GFOD2: variants seen among roughly 807,000 people sequenced by gnomAD.
The protein encoded by GFOD2 is glucose-fructose oxidoreductase domain-containing protein 2.
A neutral mutation model predicts 24.6 loss-of-function variants in GFOD2; 9 were observed. The ratio of observed to expected loss-of-function variants is 0.37; its 90% CI spans 0.22 to 0.64. GFOD2 has a LOEUF of 0.64. Ranked by LOEUF, GFOD2 falls within the 30% of genes least tolerant of loss-of-function variation. GFOD2 has a pLI of 0.65. For missense variants in GFOD2, 476 were observed against 532.5 expected (o/e 0.89, Z 1.04); for synonymous variants, 211 against 224.8 (o/e 0.94, Z 0.55).
chr16:67,684,043 T>C (rs1218270992), intron 2 of GFOD2: 6 of 287,112 alleles, frequency 2.1e-5, no homozygotes, highest in Non-Finnish European at 3.1e-5. Flanking sequence ...CAAAATGACA[T>C]CAGGACAGTG....
At chr16:67,709,789 G>A (rs1317415397) in intron 1 of GFOD2, among the ~76,000 whole-genome samples, 1 of 151,850 alleles carries the variant, frequency 6.6e-6, no homozygotes, top group Non-Finnish European at 1.5e-5. Flanking sequence ...TATTTTTTTT[G>A]TATTTTTGGT....
At chr16:67,681,890 C>T in intron 2 of GFOD2, 2 of 985,318 alleles carry the variant, frequency 2.0e-6, no homozygotes, top group South Asian at 4.7e-5. Flanking sequence ...ATTGGAGAAG[C>T]TGAAATCTGC....
chr16:67,682,045 C>CT (rs903643089), intron 2 of GFOD2: 1,099 of 254,136 alleles, frequency 4.3e-3, no homozygotes, highest in Non-Finnish European at 6.1e-3. Flanking sequence ...CTTTTCTTTT[C>CT]TTTTTTTTTT....
At chr16:67,715,443 G>A (rs1290964542) in intron 1 of GFOD2, among the ~76,000 whole-genome samples, 5 of 152,192 alleles carry the variant, frequency 3.3e-5, no homozygotes, top group Non-Finnish European at 7.3e-5. Context: ...ACTTCAGTGA[G>A]CTCATTCCCA....
Position 67,685,855 on chromosome 16 carries a change from G to T in GFOD2, c.-87-53C>A, listed in dbSNP as rs779464589. Reference sequence around the variant, plus strand: ...TTACTGGAGAGGACACTCAGCTGAGGCTACTTTCTTTTTTTTTTGAGATGG... The same window carrying T: ...TTACTGGAGAGGACACTCAGCTGAGTCTACTTTCTTTTTTTTTTGAGATGG... On this transcript the variant is annotated intron_variant, in intron 1 of 2. Coordinates refer to ENST00000268797, the MANE Select transcript of GFOD2 (RefSeq NM_030819.4). 4.6e-6 allele frequency: 5 copies of T among 1,084,400 alleles called. No homozygotes were observed. In the South Asian group the frequency reaches 8.2e-5, roughly 18 times the overall value. 67.2% of individuals were successfully genotyped at this position (1,084,400 alleles called of 1,614,324 possible).
chr16:67,711,283 C>T (rs762700809), intron 1 of GFOD2, among the ~76,000 whole-genome samples: 38 of 152,324 alleles, frequency 2.5e-4, no homozygotes, highest in Middle Eastern at 6.8e-3. Flanking sequence ...TCACCTTCAT[C>T]CCACTTTGAC....
At chr16:67,699,712 G>A (rs939867639) in intron 1 of GFOD2, among the ~76,000 whole-genome samples, 1 of 151,884 alleles carries the variant, frequency 6.6e-6, no homozygotes, top group African/African-American at 2.4e-5. Context: ...TCAAACTCCT[G>A]GCCTCAAGCG....
Position 67,675,244 on chromosome 16 carries a change from A to G in GFOD2, c.1069T>C (p.Ser357Pro), listed in dbSNP as rs781291314. The stretch of plus-strand genomic sequence containing the variant: ...ACCTCCACAGCCTCCCACTCCCCGG[A>G]TCGGCTCGACCTCTTGATGGCATCC... ...VVDAIKRSSR[S>P]GEWEAVEVLT... is the part of the protein sequence containing the mutation. Residue 357 changes from serine to proline, a missense_variant, in exon 3 of 3, where the codon TCC (serine) becomes CCC (proline). Ser to Pro is a moderately conservative substitution (Grantham distance 74). Coordinates refer to ENST00000268797, the MANE Select transcript of GFOD2 (RefSeq NM_030819.4). The G allele has an allele frequency of 6.2e-7, 1 of 1,613,398 alleles. No individual in the cohort carries two copies. Among genetic ancestry groups the G allele is most frequent in the Non-Finnish European group, 8.5e-7 (1 of 1,180,016 alleles).
intron 2 of GFOD2, chr16:67,685,049 G>C (rs1567655238): frequency 2.7e-6 from 3 of 1,122,402 alleles, no homozygotes; most frequent in Non-Finnish European, 3.3e-6. Context: ...CATGGGAAAT[G>C]GTAGCCTTGC....
intron 1 of GFOD2, among the ~76,000 whole-genome samples, chr16:67,688,584 C>G (rs1397237649): frequency 6.6e-6 from 1 of 152,128 alleles, no homozygotes; most frequent in Non-Finnish European, 1.5e-5. Flanking sequence ...GCTAAACCAG[C>G]AGTTCCCCAC....
At chr16:67,682,634 A>C in intron 2 of GFOD2, 1 of 985,428 alleles carries the variant, frequency 1.0e-6, no homozygotes, top group South Asian at 4.7e-5. Context: ...AAGAGCTGTG[A>C]TATGAAAAGT....
intron 1 of GFOD2, among the ~76,000 whole-genome samples, chr16:67,694,686 A>G (rs2053344891): frequency 1.3e-5 from 2 of 152,282 alleles, no homozygotes; most frequent in East Asian, 1.9e-4. Flanking sequence ...GAAAATGTCT[A>G]TAGTAGGGGA....
chr16:67,699,565 C>T (rs2053385142), intron 1 of GFOD2, among the ~76,000 whole-genome samples: 1 of 151,908 alleles, frequency 6.6e-6, no homozygotes, highest in Non-Finnish European at 1.5e-5. Context: ...CTTACTGCAA[C>T]CTCCGCCTCC....
intron 2 of GFOD2, 137 bp from the exon 3 acceptor site, chr16:67,676,190 G>A (rs912086946): frequency 1.0e-5 from 8 of 803,524 alleles, no homozygotes; most frequent in Non-Finnish European, 1.5e-5. Context: ...TAGAGGTGGG[G>A]TCTTGCTATG....
intron 1 of GFOD2, among the ~76,000 whole-genome samples, chr16:67,697,371 A>T (rs1188579835): frequency 6.6e-6 from 1 of 152,238 alleles, no homozygotes; most frequent in Admixed American, 6.5e-5. Flanking sequence ...ATATCTGTTA[A>T]CTATCTGTGA....
intron 1 of GFOD2, among the ~76,000 whole-genome samples, chr16:67,707,121 A>G (rs1250004425): frequency 6.6e-6 from 1 of 151,514 alleles, no homozygotes; most frequent in African/African-American, 2.4e-5. Context: ...CACTGTGGGA[A>G]GCCAAGATGG....
At chr16:67,692,844 G>A (rs556261326) in intron 1 of GFOD2, among the ~76,000 whole-genome samples, 2 of 151,592 alleles carry the variant, frequency 1.3e-5, no homozygotes, top group African/African-American at 4.8e-5. Flanking sequence ...GGCTAACATG[G>A]TAAAACCCCG....
chr16:67,683,396 C>G, intron 2 of GFOD2: 2 of 1,228,604 alleles, frequency 1.6e-6, no homozygotes, highest in South Asian at 4.3e-5. Flanking sequence ...AGCCTGCATT[C>G]AAGCCACAAG....
At chr16:67,693,921 G>A (rs1177796619) in intron 1 of GFOD2, among the ~76,000 whole-genome samples, 2 of 151,700 alleles carry the variant, frequency 1.3e-5, no homozygotes, top group African/African-American at 4.9e-5. Context: ...GAAAGACTCT[G>A]TCTCAAAAAC....
Sources: allele counts gnomAD v4.1 joint callset (sites outside exome capture counted in the v4.1 genomes callset), GRCh38; gene constraint gnomAD v4.1.1; transcripts MANE v1.5; gene names NCBI Gene and HGNC (gene_info 2026-07-23, HGNC 2026-07-21).